Variants in HHAT observed in about 807,000 individuals in gnomAD.
HHAT encodes the protein hedgehog acyltransferase.
HHAT carries 47 observed loss-of-function variants against 70.8 expected under a neutral mutation model. The ratio of observed to expected loss-of-function variants is 0.66; its 90% CI spans 0.53 to 0.85. The LOEUF is 0.85. Among genes scored for constraint, HHAT ranks in the 40% least tolerant of loss-of-function variants. The pLI is 0.00. For missense variants in HHAT, 609 were observed against 604.8 expected (o/e 1.01, Z -0.07); for synonymous variants, 228 against 247.6 (o/e 0.92, Z 0.74).
rs189740978 is a variant in HHAT at position 210,394,425 on chromosome 1, G to C, written c.274-6043G>C. Among the ~76,000 whole-genome samples the C allele has an allele frequency of 1.9e-3, 296 of 152,148 alleles. 5 individuals carry two copies. The South Asian group carries it at 0.042, about 22-fold the overall frequency. The stretch of plus-strand genomic sequence containing the variant: ...GGCTTTCAGCTTTGGCTGTGCATTT[G>C]TTATGATTGGATTGGATGTCACGGG... On this transcript the variant is annotated intron_variant, in intron 4 of 11. Transcript: ENST00000261458.
intron 10 of HHAT, among the ~76,000 whole-genome samples, chr1:210,609,572 A>T (rs1214544708): frequency 6.6e-6 from 1 of 152,076 alleles, no homozygotes; most frequent in Non-Finnish European, 1.5e-5. Context: ...ATATAGGTAG[A>T]TGTGTGCCAT....
At chr1:210,562,890 G>A (rs968274212) in intron 9 of HHAT, among the ~76,000 whole-genome samples, 18 of 143,900 alleles carry the variant, frequency 1.3e-4, no homozygotes, top group Non-Finnish European at 2.4e-4. Context: ...CCACCTATGA[G>A]TGAGAACATG....
intron 7 of HHAT, among the ~76,000 whole-genome samples, chr1:210,428,991 C>T (rs149780828): frequency 5.9e-5 from 9 of 151,862 alleles, no homozygotes; most frequent in East Asian, 1.9e-4. Context: ...GCTTCCCCTC[C>T]GCACCCACCT....
intron 8 of HHAT, among the ~76,000 whole-genome samples, chr1:210,470,043 C>A (rs1210567841): frequency 2.0e-5 from 3 of 152,160 alleles, no homozygotes; most frequent in African/African-American, 7.2e-5. Flanking sequence ...AGGGTCTCTA[C>A]TGTTTTGGCC....
At chr1:210,462,850 G>A (rs370562436) in intron 7 of HHAT, 4 of 152,344 alleles carry the variant, frequency 2.6e-5, no homozygotes, top group Admixed American at 6.5e-5. Flanking sequence ...AGATCCTAGT[G>A]TAGCATCAAG....
chr1:210,334,177 C>CTTTTT (rs1342123521), intron 1 of HHAT, among the ~76,000 whole-genome samples: 9 of 34,548 alleles, frequency 2.6e-4, no homozygotes, highest in African/African-American at 1.2e-3. Context: ...TTTAGCGTGT[C>CTTTTT]ATTTTTTTTT....
At chr1:210,536,262 A>C (rs2095371113) in intron 9 of HHAT, among the ~76,000 whole-genome samples, 1 of 152,242 alleles carries the variant, frequency 6.6e-6, no homozygotes, top group African/African-American at 2.4e-5. Flanking sequence ...ACCATCCTTC[A>C]TCCACCTAAC....
At chr1:210,357,665 C>T (rs183628121) in intron 2 of HHAT, among the ~76,000 whole-genome samples, 1 of 152,166 alleles carries the variant, frequency 6.6e-6, no homozygotes, top group East Asian at 1.9e-4. Flanking sequence ...ACTAAAAATA[C>T]AAAAATTAGC....
At chr1:210,342,220 G>A (rs1367909101) in intron 1 of HHAT, among the ~76,000 whole-genome samples, 1 of 152,064 alleles carries the variant, frequency 6.6e-6, no homozygotes, top group Non-Finnish European at 1.5e-5. Flanking sequence ...CAGCATCAAG[G>A]GGCTGCTTTG....
chr1:210,348,790 G>T, intron 1 of HHAT, 143 bp from the exon 2 acceptor site: 2 of 681,460 alleles, frequency 2.9e-6, no homozygotes, highest in Non-Finnish European at 4.7e-6. Context: ...AAGTTCACAG[G>T]GAGGAGGAAG....
intron 8 of HHAT, among the ~76,000 whole-genome samples, chr1:210,502,399 A>AAAAAT (rs1218145289): frequency 6.6e-6 from 1 of 151,720 alleles, no homozygotes; most frequent in Non-Finnish European, 1.5e-5. Flanking sequence ...AAAAAAAAAA[A>AAAAAT]AAATCTTTCC....
chr1:210,535,043 G>T (rs2095356199), intron 9 of HHAT, among the ~76,000 whole-genome samples: 3 of 152,120 alleles, frequency 2.0e-5, no homozygotes, highest in Admixed American at 2.0e-4. Flanking sequence ...TTCTTAACCA[G>T]GCTTCCTGAC....
chr1:210,595,737 T>A (rs1158299454), intron 10 of HHAT, among the ~76,000 whole-genome samples: 1 of 152,248 alleles, frequency 6.6e-6, no homozygotes, highest in Admixed American at 6.5e-5. Flanking sequence ...CATTTTTTCA[T>A]GTGTCTTTTG....
At chr1:210,542,873 T>C (rs1038408273) in intron 9 of HHAT, among the ~76,000 whole-genome samples, 2 of 152,290 alleles carry the variant, frequency 1.3e-5, no homozygotes, top group South Asian at 4.1e-4. Context: ...TATACATATA[T>C]GGATATATTT....
intron 10 of HHAT, among the ~76,000 whole-genome samples, chr1:210,599,968 T>A (rs1442739368): frequency 6.6e-6 from 1 of 152,078 alleles, no homozygotes; most frequent in Non-Finnish European, 1.5e-5. Flanking sequence ...TAGCCTCAGC[T>A]CCCCAACACA....
intron 11 of HHAT, among the ~76,000 whole-genome samples, chr1:210,657,690 A>G (rs576830019): frequency 1.3e-5 from 2 of 152,248 alleles, no homozygotes; most frequent in South Asian, 2.1e-4. Flanking sequence ...TTTAGGCATC[A>G]CTCTCTTTCC....
chr1:210,643,278 A>G (rs1214645804), intron 11 of HHAT, among the ~76,000 whole-genome samples: 1 of 152,208 alleles, frequency 6.6e-6, no homozygotes, highest in Non-Finnish European at 1.5e-5. Flanking sequence ...TACTTCGGAA[A>G]CATCTTGTCA....
At chr1:210,414,671 G>A (rs1428973776) in intron 6 of HHAT, among the ~76,000 whole-genome samples, 1 of 152,104 alleles carries the variant, frequency 6.6e-6, no homozygotes, top group African/African-American at 2.4e-5. Context: ...AACAGAGAGG[G>A]CCCAAATATT....
intron 9 of HHAT, among the ~76,000 whole-genome samples, chr1:210,570,108 A>G (rs891284720): frequency 7.2e-5 from 11 of 152,214 alleles, no homozygotes; most frequent in African/African-American, 2.7e-4. Flanking sequence ...ACCCTGAGCC[A>G]CCATTAGAGT....
Sources: gnomAD v4.1 joint callset for allele counts (sites outside exome capture counted in the v4.1 genomes callset) on GRCh38, gnomAD v4.1.1 for gene constraint, MANE v1.5 for transcripts, NCBI Gene and HGNC (gene_info 2026-07-23, HGNC 2026-07-21) for gene names.